The following ZNF407 variants were observed in gnomAD, a reference collection of about 807,000 sequenced individuals.
ZNF407 encodes zinc finger protein 407.
Under a neutral mutation model 131.2 loss-of-function variants are expected in ZNF407, and 17 were observed. That is an observed-to-expected ratio of 0.13 (90% CI 0.09 to 0.19). The LOEUF (loss-of-function observed/expected upper bound fraction) is 0.19. Among genes scored for constraint, ZNF407 ranks in the 10% least tolerant of loss-of-function variants. The probability of loss-of-function intolerance (pLI) is 1.00; values close to 1 mark genes in which losing one functional copy is unlikely to be tolerated. For synonymous variants in ZNF407, 1,156 were observed against 1,062.0 expected (o/e 1.09, Z -1.72); for missense variants, 2,681 against 2,830.6 (o/e 0.95, Z 1.20).
intron 3 of ZNF407, among the ~76,000 whole-genome samples, chr18:74,712,844 AG>A (rs1967798685): frequency 1.3e-5 from 2 of 152,300 alleles, no homozygotes; most frequent in African/African-American, 4.8e-5. Flanking sequence ...CAGGGAGCAT[AG>A]GCTGTGGGTC....
At chr18:74,694,851 C>T (rs540569940) in intron 3 of ZNF407, among the ~76,000 whole-genome samples, 176 of 152,280 alleles carry the variant, frequency 1.2e-3, no homozygotes, top group African/African-American at 3.9e-3. Context: ...GTACCTATTT[C>T]AGTCTGTATT....
At chr18:74,730,685 C>A (rs952566022) in intron 3 of ZNF407, among the ~76,000 whole-genome samples, 1 of 152,180 alleles carries the variant, frequency 6.6e-6, no homozygotes, top group African/African-American at 2.4e-5. Flanking sequence ...AGACCCTTGG[C>A]AACCTTGACC....
At chr18:74,799,939 A>G (rs1440354972) in intron 4 of ZNF407, among the ~76,000 whole-genome samples, 2 of 149,410 alleles carry the variant, frequency 1.3e-5, no homozygotes, top group Admixed American at 6.6e-5. Flanking sequence ...TTATTAGCCA[A>G]AGTCTACCAA....
chr18:74,900,342 T>C (rs1008744545), intron 7 of ZNF407, among the ~76,000 whole-genome samples: 3 of 152,162 alleles, frequency 2.0e-5, no homozygotes, highest in African/African-American at 7.2e-5. Context: ...TTGGGGGTAC[T>C]GCATGGCACC....
In ZNF407 at chr18:74,781,491, C is replaced by T. The variant is rs752545983; in HGVS notation, c.4866C>T (p.Thr1622=). 5.7e-5 allele frequency: 86 copies of T among 1,517,594 alleles called. 1 individual carries two copies. Among genetic ancestry groups the T allele is most frequent in the Non-Finnish European group, 7.0e-5 (79 of 1,135,256 alleles). The allele number at this position is 1,517,594 out of a possible 1,614,324, so 94.0% of individuals were successfully genotyped here. A position where few individuals can be genotyped will look rare whatever the true frequency, so the allele number is the denominator to read the frequency against. ...THLLGKHGVG[T]PKERKFTCHL... ...TACTAGGCAAGCATGGAGTTGGCAC[C>T]CCAAAAGAAAGGTAATTTTCATTCT... The change falls in exon 4 of 9, where the codon ACC becomes ACT. Residue 1622 remains threonine, a synonymous_variant. Transcript: ENST00000299687.
chr18:74,657,155 G>A (rs1418761784), intron 3 of ZNF407, among the ~76,000 whole-genome samples: 1 of 143,834 alleles, frequency 7.0e-6, no homozygotes, highest in African/African-American at 2.6e-5. Context: ...TTCCATAGTT[G>A]TTTGTATCTA....
intron 4 of ZNF407, among the ~76,000 whole-genome samples, chr18:74,872,790 T>C (rs1971106518): frequency 6.7e-6 from 1 of 148,996 alleles, no homozygotes; most frequent in Admixed American, 6.7e-5. Context: ...AGAAAAGATA[T>C]ACTAGTGACT....
At chr18:74,823,385 C>T (rs543698886) in intron 4 of ZNF407, among the ~76,000 whole-genome samples, 1 of 152,114 alleles carries the variant, frequency 6.6e-6, no homozygotes, top group Non-Finnish European at 1.5e-5. Flanking sequence ...TGTAAAAGGG[C>T]TAAATGCCCC....
intron 3 of ZNF407, among the ~76,000 whole-genome samples, chr18:74,695,931 G>A (rs1409285973): frequency 6.6e-6 from 1 of 152,156 alleles, no homozygotes. Context: ...TTAAGTTGAT[G>A]GAAAGATGGT....
rs149160759 is a variant in ZNF407 at position 74,973,709 on chromosome 18, C to T, written c.5428+53017C>T. The stretch of plus-strand genomic sequence containing the variant: ...CACAGTTATAGAGGCCAGAAGTCTG[C>T]GATCAAGGTGTTGGTCAGGCCATGC... On this transcript the variant is annotated intron_variant, in intron 8 of 8. Transcript: ENST00000299687. Among the ~76,000 whole-genome samples, 277 of 152,238 alleles carry T rather than the reference C, an allele frequency of 1.8e-3. 1 individual carries two copies. The highest frequency in any genetic ancestry group is 3.4e-3 in the Middle Eastern group (1 of 294).
chr18:74,644,994 A>G (rs1984902594), intron 3 of ZNF407, among the ~76,000 whole-genome samples: 2 of 151,680 alleles, frequency 1.3e-5, no homozygotes, highest in South Asian at 4.1e-4. Context: ...TTGCTTACAC[A>G]TTGCTTTACT....
chr18:74,950,591 T>C (rs1464632094), intron 8 of ZNF407, among the ~76,000 whole-genome samples: 1 of 152,232 alleles, frequency 6.6e-6, no homozygotes, highest in East Asian at 1.9e-4. Flanking sequence ...ACAATTGTTC[T>C]ACCGTTACAG....
At chr18:74,756,165 T>G (rs1045374485) in intron 3 of ZNF407, among the ~76,000 whole-genome samples, 1 of 152,038 alleles carries the variant, frequency 6.6e-6, no homozygotes, top group Non-Finnish European at 1.5e-5. Context: ...GTCCTGGCAT[T>G]ACAGGCATGA....
Position 75,063,706 on chromosome 18 carries a change from G to A in ZNF407, c.5985G>A (p.Ala1995=), listed in dbSNP as rs377341554. ...CAGCCCTGGATGCATTGCTCTGTGC[G>A]GTCACTGAATTAGGGGAGGTGGAGG... The part of the protein sequence containing the change: ...ASSALDALLC[A]VTELGEVEGR... The change falls in exon 9 of 9, where the codon GCG becomes GCA. Residue 1995 remains alanine, a synonymous_variant. Coordinates refer to ENST00000299687, the MANE Select transcript of ZNF407 (RefSeq NM_017757.3). The surrounding 1 kb of genome is among the most constrained non-coding windows in gnomAD (Gnocchi z 6.6). 36 of 1,612,162 alleles carry A rather than the reference G, an allele frequency of 2.2e-5. No homozygotes were observed. Among genetic ancestry groups the A allele is most frequent in the East Asian group, 4.5e-5 (2 of 44,826 alleles).
At chr18:74,680,668 C>T (rs181447293) in intron 3 of ZNF407, among the ~76,000 whole-genome samples, 24 of 152,080 alleles carry the variant, frequency 1.6e-4, no homozygotes, top group African/African-American at 5.5e-4. Flanking sequence ...AAATTTACAA[C>T]CTTGAGTAGA....
rs183269624 is a variant in ZNF407 at position 74,964,096 on chromosome 18, A to G, written c.5428+43404A>G. Among the ~76,000 whole-genome samples, 793 of 152,332 alleles carry G rather than the reference A, an allele frequency of 5.2e-3. 3 individuals carry two copies. The highest frequency in any genetic ancestry group is 7.8e-3 in the Non-Finnish European group (530 of 68,030). On this transcript the variant is annotated intron_variant, in intron 8 of 8. Coordinates refer to ENST00000299687, the MANE Select transcript of ZNF407 (RefSeq NM_017757.3). ...TGACCGCGCCTATCACGTGAAGCCT[A>G]CTTGGACAGGCGTTAAGTGTAAGAC...
intron 3 of ZNF407, among the ~76,000 whole-genome samples, chr18:74,659,664 A>G (rs1985626911): frequency 6.6e-6 from 1 of 152,290 alleles, no homozygotes; most frequent in African/African-American, 2.4e-5. Context: ...CAACTTCAGT[A>G]AAAAGACACA....
At chr18:74,666,854 G>T (rs1392383912) in intron 3 of ZNF407, among the ~76,000 whole-genome samples, 2 of 152,194 alleles carry the variant, frequency 1.3e-5, no homozygotes, top group Non-Finnish European at 2.9e-5. Flanking sequence ...TAAATTGTAT[G>T]TTGGAACCCT....
chr18:74,707,938 T>G (rs4891068), intron 3 of ZNF407, among the ~76,000 whole-genome samples: 105,072 of 152,086 alleles, frequency 0.69, 37,242 homozygotes, highest in East Asian at 0.85. Flanking sequence ...CAGTACAAAT[T>G]GATATCTACT....
Sources: allele counts gnomAD v4.1 joint callset (sites outside exome capture counted in the v4.1 genomes callset), GRCh38; gene constraint gnomAD v4.1.1; non-coding constraint Gnocchi (gnomAD v3.1); transcripts MANE v1.5; gene names NCBI Gene and HGNC (gene_info 2026-07-23, HGNC 2026-07-21).